The following HNRNPM variants were observed in gnomAD, a reference collection of about 807,000 sequenced individuals.
The protein encoded by HNRNPM is heterogeneous nuclear ribonucleoprotein M.
Under a neutral mutation model 73.1 loss-of-function variants are expected in HNRNPM, and 11 were observed. That is an observed-to-expected ratio of 0.15 (90% CI 0.09 to 0.25). The LOEUF (loss-of-function observed/expected upper bound fraction) is 0.25, where lower values mean the gene tolerates loss of function less well. HNRNPM is among the 10% of genes least tolerant of loss of function. The pLI, the probability that HNRNPM is intolerant of heterozygous loss-of-function variation, is 1.00. For missense variants in HNRNPM, 789 were observed against 1,067.9 expected (o/e 0.74, Z 3.64); for synonymous variants, 407 against 355.2 (o/e 1.15, Z -1.64).
intron 14 of HNRNPM, 56 bp from the exon 15 acceptor site, chr19:8,486,968 A>G (rs11669139): frequency 0.96 from 1,344,585 of 1,396,860 alleles, 651,046 homozygotes; most frequent in East Asian, 0.99. Context: ...GCTGCAAGGC[A>G]TGCCTTAGGA....
At chr19:8,474,283 T>TCACTC (rs1383904045) in intron 12 of HNRNPM, 39 bp downstream of exon 12, 5 of 1,440,294 alleles carry the variant, frequency 3.5e-6, no homozygotes, top group Non-Finnish European at 4.7e-6. Context: ...ACTCACCCTT[T>TCACTC]GCCGGCTGTT....
At chr19:8,484,869 G>A (rs908225855) in intron 13 of HNRNPM, among the ~76,000 whole-genome samples, 2 of 152,080 alleles carry the variant, frequency 1.3e-5, no homozygotes, top group African/African-American at 4.8e-5. Context: ...GGGTGGGGGC[G>A]TCCCTTCGTT....
chr19:8,487,498 C>G (rs184836661), intron 15 of HNRNPM: 2 of 200,824 alleles, frequency 1.0e-5, no homozygotes. Flanking sequence ...GGTGCAGGCT[C>G]TGGGCACACA....
chr19:8,455,617 T>A (rs761263870), intron 2 of HNRNPM, 43 bp downstream of exon 2: 1 of 1,525,156 alleles, frequency 6.6e-7, no homozygotes, highest in African/African-American at 1.4e-5. Flanking sequence ...GGTTGGTGTG[T>A]CATCTTTTCT....
intron 11 of HNRNPM, 91 bp from the exon 12 acceptor site, chr19:8,474,076 C>G: frequency 1.1e-6 from 1 of 890,030 alleles, no homozygotes; most frequent in South Asian, 1.9e-5. Flanking sequence ...GCAGAAGATA[C>G]CCCAGTTGAA....
At chr19:8,475,084 A>T (rs2145712584) in intron 12 of HNRNPM, among the ~76,000 whole-genome samples, 1 of 152,384 alleles carries the variant, frequency 6.6e-6, no homozygotes, top group South Asian at 2.1e-4. Flanking sequence ...AGTCCTTGTG[A>T]GAACCACATG....
rs142095874 is a variant in HNRNPM at position 8,486,290 on chromosome 19, G to A, written c.1862G>A (p.Arg621His). ...GGCGGTGGCGGTGCCAGCTTTGACC[G>A]TGCCATCGAGATGGAGCGTGGCAAC... Reference protein sequence around the residue: ...MGGGGGASFDRAIEMERGNFG... With the variant: ...MGGGGGASFDHAIEMERGNFG... Residue 621 changes from arginine to histidine, a missense_variant, in exon 14 of 16, where the codon CGT becomes CAT. By Grantham distance (29) the Arg-to-His change is conservative (BLOSUM62 0). This residue lies in a region of HNRNPM where 604 missense variants were observed against 744.0 expected (regional missense o/e 0.81). Coordinates refer to ENST00000325495, the MANE Select transcript of HNRNPM (RefSeq NM_005968.5). 6 of 1,600,920 alleles carry A rather than the reference G, an allele frequency of 3.7e-6. No individual in the cohort carries two copies. The South Asian group carries it at 5.5e-5, about 15-fold the overall frequency.
chr19:8,476,703 C>T (rs1970533083), intron 12 of HNRNPM, among the ~76,000 whole-genome samples: 1 of 152,182 alleles, frequency 6.6e-6, no homozygotes, highest in Non-Finnish European at 1.5e-5. Context: ...CTGTTGACAG[C>T]CAGTAAGATG....
chr19:8,477,435 A>T (rs1377953422), intron 12 of HNRNPM, among the ~76,000 whole-genome samples: 1 of 152,104 alleles, frequency 6.6e-6, no homozygotes, highest in East Asian at 1.9e-4. Flanking sequence ...AGGCAGGAGG[A>T]TCACTTGAGC....
chr19:8,459,261 T>C (rs1969233168), intron 2 of HNRNPM, among the ~76,000 whole-genome samples: 1 of 152,210 alleles, frequency 6.6e-6, no homozygotes, highest in African/African-American at 2.4e-5. Flanking sequence ...TTCATATGTA[T>C]GAATACTTAG....
At chr19:8,458,777 A>G (rs1244468308) in intron 2 of HNRNPM, among the ~76,000 whole-genome samples, 1 of 152,254 alleles carries the variant, frequency 6.6e-6, no homozygotes, top group Non-Finnish European at 1.5e-5. Context: ...ACTAAGGCCC[A>G]GAGGGCAAGT....
chr19:8,465,415 T>C lies in HNRNPM; in HGVS notation c.530T>C (p.Ile177Thr). Residue 177 changes from isoleucine (I) to threonine (T), a missense_variant, in exon 6 of 16, where the codon ATT (isoleucine) becomes ACT (threonine). Around this residue, in one of 4 missense-constraint regions of HNRNPM, gnomAD observed 604 missense variants for 744.0 expected, o/e 0.81. Transcript: ENST00000325495. ...MGMGPGGPGM[I>T]TIPPSILNNP... Reference sequence around the variant, plus strand: ...ATGGGACCAGGTGGCCCAGGAATGATTACTATCCCACCCAGTATCCTAAAT... The same window carrying C: ...ATGGGACCAGGTGGCCCAGGAATGACTACTATCCCACCCAGTATCCTAAAT... 1.2e-6 allele frequency: 2 copies of C among 1,613,942 alleles called. No homozygotes were observed. The highest frequency in any genetic ancestry group is 1.7e-4 in the Middle Eastern group (1 of 6,060).
intron 13 of HNRNPM, 120 bp downstream of exon 13, chr19:8,483,331 T>G (rs999188612): frequency 2.7e-6 from 2 of 731,336 alleles, no homozygotes; most frequent in Admixed American, 5.1e-5. Context: ...TGGGAGCAGC[T>G]CTGCCTTTTT....
At chr19:8,473,764 C>T in intron 11 of HNRNPM, 56 bp downstream of exon 11, 1 of 1,067,712 alleles carries the variant, frequency 9.4e-7, no homozygotes, top group African/African-American at 1.6e-5. Flanking sequence ...AGTTTTCTCT[C>T]TTTCCTCTTT....
In HNRNPM at chr19:8,486,150, C is replaced by T. The variant is rs1335103272; in HGVS notation, c.1722C>T (p.Asn574=). 6 of 1,605,520 alleles carry T rather than the reference C, an allele frequency of 3.7e-6. No homozygotes were observed. Among genetic ancestry groups the T allele is most frequent in the Middle Eastern group, 3.3e-4 (2 of 6,058 alleles). The part of the protein sequence containing the change: ...ERMGLERMGA[N]SLERMGLERM... ...TGGGCCTGGAGCGCATGGGCGCCAA[C>T]AGCCTCGAGCGCATGGGCCTGGAGC... Residue 574 remains asparagine (N), a synonymous_variant, in exon 14 of 16, where the codon AAC becomes AAT. Transcript: ENST00000325495.
At chr19:8,487,294 CTTTTT>C (rs527546864) in intron 15 of HNRNPM, 69 of 551,334 alleles carry the variant, frequency 1.3e-4, no homozygotes, top group Non-Finnish European at 3.0e-5. Flanking sequence ...TTCCTTTTTT[CTTTTT>C]GAGTCTTTGA....
chr19:8,472,548 A>G (rs563259592), intron 10 of HNRNPM, among the ~76,000 whole-genome samples: 245 of 152,242 alleles, frequency 1.6e-3, no homozygotes, highest in Middle Eastern at 6.8e-3. Context: ...GTTTTTAGGA[A>G]CTGGTTTTTA....
intron 7 of HNRNPM, 37 bp from the exon 8 acceptor site, chr19:8,467,498 T>C: frequency 1.3e-6 from 2 of 1,550,278 alleles, no homozygotes; most frequent in Non-Finnish European, 1.8e-6. Context: ...GTGCACATTT[T>C]TAGAATTGCA....
At chr19:8,488,575 C>A in intron 15 of HNRNPM, 116 bp from the exon 16 acceptor site, 1 of 846,372 alleles carries the variant, frequency 1.2e-6, no homozygotes, top group Admixed American at 2.8e-5. Context: ...TGGTTCTCGC[C>A]ATTGTATTCT....
Sources: allele counts gnomAD v4.1 joint callset (sites outside exome capture counted in the v4.1 genomes callset), GRCh38; gene constraint gnomAD v4.1.1; regional missense constraint gnomAD v4.1.1; transcripts MANE v1.5; gene names NCBI Gene and HGNC (gene_info 2026-07-23, HGNC 2026-07-21).